WNT7B: variants seen among roughly 807,000 people sequenced by gnomAD.
WNT7B encodes Wnt family member 7B, also known as protein Wnt-7b.
Under a neutral mutation model 38.2 loss-of-function variants are expected in WNT7B, and 19 were observed. That is an observed-to-expected ratio of 0.50 (90% CI 0.35 to 0.73). WNT7B has a LOEUF of 0.73. WNT7B is among the 30% of genes least tolerant of loss of function. WNT7B has a pLI of 0.01. For missense variants in WNT7B, 423 were observed against 507.9 expected, an observed-to-expected ratio of 0.83 and a Z score of 1.61; for synonymous variants, 243 against 209.3, an observed-to-expected ratio of 1.16 and a Z score of -1.39.
chr22:45,924,795 C>T (rs1931027398), intron 3 of WNT7B, among the ~76,000 whole-genome samples: 1 of 139,470 alleles, frequency 7.2e-6, no homozygotes, highest in African/African-American at 2.7e-5. Context: ...AAAGGCTCAT[C>T]AGGCAGGTGC....
At chr22:45,956,360 G>A (rs1484770461) in intron 1 of WNT7B, among the ~76,000 whole-genome samples, 1 of 152,232 alleles carries the variant, frequency 6.6e-6, no homozygotes, top group African/African-American at 2.4e-5. Flanking sequence ...GGTTGAGACT[G>A]CAAGCTCATT....
chr22:45,972,116 G>GCCCCCCCCCCCCC, intron 1 of WNT7B: 8 of 530,744 alleles, frequency 1.5e-5, no homozygotes, highest in Middle Eastern at 5.0e-4. Flanking sequence ...CCCGGGGGGA[G>GCCCCCCCCCCCCC]CCCACCCGCC....
In WNT7B at chr22:45,975,847, G is replaced by A. The variant is rs1047458213; in HGVS notation, c.71+837C>T. On this transcript the variant is annotated intron_variant, in intron 1 of 3. Transcript: ENST00000339464. The surrounding 1 kb of genome is among the most constrained non-coding windows in gnomAD (Gnocchi z 6.6). The stretch of plus-strand genomic sequence containing the variant: ...GTGCACCGCACCCCCTCTCCGTCAC[G>A]CCGTTTCTCCACCCCCACTTCGAGC... 1.4e-5 allele frequency: 4 copies of A among 276,320 alleles called. No homozygotes were observed. Among genetic ancestry groups the A allele is most frequent in the Non-Finnish European group, 2.7e-5 (4 of 149,748 alleles). 17.1% of individuals were successfully genotyped at this position (276,320 alleles called of 1,614,324 possible). A position where few individuals can be genotyped will look rare whatever the true frequency, so the allele number is the denominator to read the frequency against.
intron 1 of WNT7B, among the ~76,000 whole-genome samples, chr22:45,971,579 C>A (rs1409094544): frequency 6.6e-6 from 1 of 152,216 alleles, no homozygotes; most frequent in African/African-American, 2.4e-5. Context: ...TCCTCGCCCC[C>A]AGGTGAGGAC....
chr22:45,929,818 A>C (rs911473651), intron 3 of WNT7B, among the ~76,000 whole-genome samples: 15 of 149,364 alleles, frequency 1.0e-4, no homozygotes, highest in Non-Finnish European at 2.1e-4. Flanking sequence ...CCATCCATCT[A>C]TCTTCCCATG....
At chr22:45,952,555 C>A (rs976870565) in intron 1 of WNT7B, among the ~76,000 whole-genome samples, 1 of 152,258 alleles carries the variant, frequency 6.6e-6, no homozygotes, top group African/African-American at 2.4e-5. Flanking sequence ...TGGATGGGAA[C>A]CCTGCCGGGC....
intron 1 of WNT7B, among the ~76,000 whole-genome samples, chr22:45,957,112 A>G (rs111607930): frequency 3.4e-4 from 49 of 144,572 alleles, no homozygotes; most frequent in South Asian, 8.6e-4. Flanking sequence ...CTCAAAAAAA[A>G]AAAAAAAAAA....
At chr22:45,942,310 A>G (rs1202523584) in intron 2 of WNT7B, among the ~76,000 whole-genome samples, 2 of 152,322 alleles carry the variant, frequency 1.3e-5, no homozygotes, top group East Asian at 3.9e-4. Flanking sequence ...GTGGGGCCCC[A>G]CAATGGCCCC....
chr22:45,927,212 A>G (rs1235807421), intron 3 of WNT7B: 1 of 985,294 alleles, frequency 1.0e-6, no homozygotes, highest in Non-Finnish European at 1.2e-6. Flanking sequence ...GGGGCCGGGC[A>G]CTGGGCACTC....
intron 2 of WNT7B, among the ~76,000 whole-genome samples, chr22:45,932,273 T>C (rs1382529848): frequency 6.6e-6 from 1 of 152,190 alleles, no homozygotes; most frequent in East Asian, 1.9e-4. Flanking sequence ...CCCAGAACAG[T>C]GACTCAGTCC....
At chr22:45,932,901 G>A (rs1463521243) in intron 2 of WNT7B, among the ~76,000 whole-genome samples, 3 of 152,242 alleles carry the variant, frequency 2.0e-5, no homozygotes, top group African/African-American at 7.2e-5. Flanking sequence ...GTTGCCCACT[G>A]CTGTGCCTGT....
intron 1 of WNT7B, among the ~76,000 whole-genome samples, chr22:45,957,623 C>T (rs1932097029): frequency 8.1e-6 from 1 of 123,768 alleles, no homozygotes. Context: ...GCGAAAGTTG[C>T]AGTGAGCCGA....
chr22:45,949,937 C>A lies in WNT7B; in HGVS notation c.281G>T (p.Gly94Val). ...GCCCTTACCTACTCGGAGCTCTTGC[C>A]CGAAGACGGTCTTCTCGCCGAGGGC... ...CSALGEKTVF[G>V]QELRVGSREA... Residue 94 changes from glycine to valine, a missense_variant, in exon 2 of 4, where the codon GGG becomes GTG. Physicochemically the swap from Gly to Val is moderately radical, Grantham distance 109. Around this residue, in one of 3 missense-constraint regions of WNT7B, gnomAD observed 133 missense variants for 179.8 expected, o/e 0.74. Transcript: ENST00000339464. 1.9e-6 allele frequency: 3 copies of A among 1,609,528 alleles called. No homozygotes were observed. Among genetic ancestry groups the A allele is most frequent in the Non-Finnish European group, 2.5e-6 (3 of 1,176,740 alleles).
rs1930957099 is a variant in WNT7B, at chr22:45,922,515, C to G, written c.*341G>C. ...CGCTCAGTCTCCTCATCACTTTGCT[C>G]TCTGGGATACAGGTGTGTCCTGGAC... On this transcript the variant is annotated 3_prime_UTR_variant, in exon 4 of 4. Coordinates refer to ENST00000339464, the MANE Select transcript of WNT7B (RefSeq NM_058238.3). 3.6e-6 allele frequency: 1 copy of G among 275,766 alleles called. No homozygotes were observed. The highest frequency in any genetic ancestry group is 6.8e-6 in the Non-Finnish European group (1 of 146,354). The allele number at this position is 275,766 out of a possible 1,614,324, so 17.1% of individuals were successfully genotyped here. A position where few individuals can be genotyped will look rare whatever the true frequency, so the allele number is the denominator to read the frequency against.
intron 1 of WNT7B, among the ~76,000 whole-genome samples, chr22:45,964,999 C>A (rs1932280739): frequency 6.6e-6 from 1 of 152,132 alleles, no homozygotes; most frequent in Non-Finnish European, 1.5e-5. Flanking sequence ...CCAGAAGGGT[C>A]TTTCTAAAGC....
rs199714498 is a variant in WNT7B at position 45,950,020 on chromosome 22, C to T, written c.198G>A (p.Ala66=). ...ACTGGCACTCGTTGATGCCCATCTG[C>T]GCCCCCTCCCCAATCACAATGATGG... is the stretch of plus-strand genomic sequence containing the variant. The part of the protein sequence containing the change: ...PDAIIVIGEG[A]QMGINECQYQ... Residue 66 remains alanine, a synonymous_variant, in exon 2 of 4, where the codon GCG becomes GCA. Coordinates refer to ENST00000339464, the MANE Select transcript of WNT7B (RefSeq NM_058238.3). 3.5e-5 allele frequency: 57 copies of T among 1,613,996 alleles called. No individual in the cohort carries two copies. The East Asian group carries it at 4.2e-4, about 12-fold the overall frequency.
chr22:45,927,773 G>A (rs979817361), intron 3 of WNT7B, among the ~76,000 whole-genome samples: 1 of 152,236 alleles, frequency 6.6e-6, no homozygotes, highest in African/African-American at 2.4e-5. Context: ...GCACACGCCT[G>A]TAATCCCAGC....
At position 45,965,619 on chromosome 22, in the gene WNT7B, C is replaced by T. The variant is rs78898577; in HGVS notation, c.71+11065G>A. Among the ~76,000 whole-genome samples, 5 of 152,296 alleles carry T rather than the reference C, an allele frequency of 3.3e-5. No individual in the cohort carries two copies. The highest frequency in any genetic ancestry group is 1.2e-4 in the African/African-American group (5 of 41,554). ...AACAGGACCTGGGCATCCAGGACCA[C>T]ACACATGCTGACCCAACAAAGCTGG... On this transcript the variant is annotated intron_variant, in intron 1 of 3. Transcript: ENST00000339464. The surrounding 1 kb of genome is among the most constrained non-coding windows in gnomAD (Gnocchi z 6.5).
Position 45,920,983 on chromosome 22 carries a change from G to A in WNT7B, c.*1873C>T, listed in dbSNP as rs11544453. On this transcript the variant is annotated 3_prime_UTR_variant, in exon 4 of 4. Transcript: ENST00000339464. Reference sequence around the variant, plus strand: ...TCACGGTGGCCCGGAGACTCAGAGCGTCCAGGCATGGTTAGAGGCACATGG... The same window carrying A: ...TCACGGTGGCCCGGAGACTCAGAGCATCCAGGCATGGTTAGAGGCACATGG... 12,987 of 152,254 alleles carry A rather than the reference G, an allele frequency of 0.085. 696 individuals are homozygous for A. Among genetic ancestry groups the A allele is most frequent in the East Asian group, 0.17 (854 of 5,162 alleles). 9.4% of individuals were successfully genotyped at this position (152,254 alleles called of 1,614,324 possible).
Sources: allele counts gnomAD v4.1 joint callset (sites outside exome capture counted in the v4.1 genomes callset), GRCh38; gene constraint gnomAD v4.1.1; regional missense constraint gnomAD v4.1.1; non-coding constraint Gnocchi (gnomAD v3.1); transcripts MANE v1.5; gene names NCBI Gene and HGNC (gene_info 2026-07-23, HGNC 2026-07-21).